Variants in TDRKH observed in about 807,000 individuals in gnomAD.
The protein encoded by TDRKH is tudor and KH domain containing.
TDRKH carries 28 observed loss-of-function variants against 61.3 expected under a neutral mutation model. That is an observed-to-expected ratio of 0.46 (90% CI 0.34 to 0.63). The LOEUF (loss-of-function observed/expected upper bound fraction) is 0.63, where lower values mean the gene tolerates loss of function less well. Among genes scored for constraint, TDRKH ranks in the 20% least tolerant of loss-of-function variants. The probability of loss-of-function intolerance (pLI) is 0.01; values close to 1 mark genes in which losing one functional copy is unlikely to be tolerated. For synonymous variants in TDRKH, 219 were observed against 244.4 expected (o/e 0.90, Z 0.97); for missense variants, 540 against 683.4 (o/e 0.79, Z 2.34).
chr1:151,784,697 C>T (rs1479585369), intron 1 of TDRKH, among the ~76,000 whole-genome samples: 1 of 152,020 alleles, frequency 6.6e-6, no homozygotes, highest in Non-Finnish European at 1.5e-5. Flanking sequence ...GGGATCTGTC[C>T]TTCGCCCTCT....
Position 151,781,328 on chromosome 1 carries a change from A to AATATATATATATATATATATAT in TDRKH, c.231+152_231+153insATATATATATATATATATATAT, listed in dbSNP as rs60652277. On this transcript the variant is annotated intron_variant, in intron 3 of 12. Transcript: ENST00000368824. ...GCGAAACTCCATCTCAAAAAAAAAA[A>AATATATATATATATATATATAT]ATATATATATATATATTTTATATAT... Among the ~76,000 whole-genome samples, 180 of 68,506 alleles carry AATATATATATATATATATATAT rather than the reference A, an allele frequency of 2.6e-3. 9 individuals are homozygous for AATATATATATATATATATATAT. Among genetic ancestry groups the AATATATATATATATATATATAT allele is most frequent in the Middle Eastern group, 9.3e-3 (1 of 108 alleles). 44.9% of individuals were successfully genotyped at this position (68,506 alleles called of 152,430 possible).
At chr1:151,778,411 G>C (rs775770766) in intron 6 of TDRKH, among the ~76,000 whole-genome samples, 1 of 152,168 alleles carries the variant, frequency 6.6e-6, no homozygotes, top group Non-Finnish European at 1.5e-5. Context: ...GAGTGGAAGA[G>C]GCACCAAGTT....
chr1:151,768,767 AC>A (rs1382979187), downstream of TDRKH, among the ~76,000 whole-genome samples: 2 of 152,162 alleles, frequency 1.3e-5, no homozygotes, highest in African/African-American at 4.8e-5. Context: ...CAGCAGATAA[AC>A]AAGTGAACAA....
Position 151,774,781 on chromosome 1 carries a change from CTG to C in TDRKH, c.1560_1561del (p.Ser521HisfsTer5). ...CTTTTTGGTCTCAGTGAGCAACGTG[CTG>C]AGAGAGGCATCTGTTTCTGTGGCCT... On this transcript the variant is annotated frameshift_variant, in exon 12 of 13. Coordinates refer to ENST00000368824, the MANE Select transcript of TDRKH (RefSeq NM_001083965.2). LOFTEE classifies it high-confidence loss of function. 6.2e-7 allele frequency: 1 copy of C among 1,614,130 alleles called. No homozygotes were observed. The highest frequency in any genetic ancestry group is 8.5e-7 in the Non-Finnish European group (1 of 1,180,002).
chr1:151,782,132 C>A, intron 2 of TDRKH: 1 of 382,236 alleles, frequency 2.6e-6, no homozygotes, highest in Admixed American at 3.5e-5. Context: ...AAAATGAGTT[C>A]ATTTCATAGA....
rs897995483 is a variant in TDRKH at position 151,775,692 on chromosome 1, G to C, written c.1282+128C>G. 8 of 1,481,132 alleles carry C rather than the reference G, an allele frequency of 5.4e-6. No homozygotes were observed. The Admixed American group carries it at 1.6e-4, about 30-fold the overall frequency. The allele number at this position is 1,481,132 out of a possible 1,614,324, so 91.7% of individuals were successfully genotyped here. A position where few individuals can be genotyped will look rare whatever the true frequency, so the allele number is the denominator to read the frequency against. On this transcript the variant is annotated intron_variant, in intron 9 of 12. Coordinates refer to ENST00000368824, the MANE Select transcript of TDRKH (RefSeq NM_001083965.2). ...AGGCAAGTTTCTGGCTGCTGCTAGT[G>C]CTGGTGAGGAAAAGGCACCTGAGTC...
rs1326812913 is a variant in TDRKH at position 151,774,088 on chromosome 1, C to T, written c.*364G>A. ...GGAGACACACTTGTAGCGTGGTAGT[C>T]CAATTTTTTTGTAGTCTGATGGGAG... On this transcript the variant is annotated 3_prime_UTR_variant, in exon 13 of 13. Transcript: ENST00000368824. The T allele has an allele frequency of 1.4e-5, 3 of 213,780 alleles. No individual in the cohort carries two copies. The highest frequency in any genetic ancestry group is 2.8e-5 in the Non-Finnish European group (3 of 107,720). 13.2% of individuals were successfully genotyped at this position (213,780 alleles called of 1,614,324 possible).
In TDRKH at chr1:151,776,428, T is replaced by C; in HGVS notation, c.1044+11A>G. 1 of 1,614,050 alleles carries C rather than the reference T, an allele frequency of 6.2e-7. No homozygotes were observed. On this transcript the variant is annotated intron_variant, in intron 7 of 12. Coordinates refer to ENST00000368824, the MANE Select transcript of TDRKH (RefSeq NM_001083965.2). ...TCATTAAACCCCAGCCCTGTCCCTA[T>C]GGCAACTCACCACACTATTCTCATA...
downstream of TDRKH, chr1:151,770,224 T>C (rs1558133256): frequency 6.2e-7 from 1 of 1,613,866 alleles, no homozygotes; most frequent in Admixed American, 1.7e-5. Flanking sequence ...GGACTCTGTG[T>C]TTGTGAACTT....
At chr1:151,772,035 C>T (rs555123939), downstream of TDRKH, 1 of 398,504 alleles carries the variant, frequency 2.5e-6, no homozygotes, top group South Asian at 1.3e-4. Flanking sequence ...TCCAAGAGTA[C>T]CTGAACTACT....
chr1:151,768,097 C>T, downstream of TDRKH: 1 of 1,614,010 alleles, frequency 6.2e-7, no homozygotes, highest in Non-Finnish European at 8.5e-7. Context: ...CCCCCTGCTC[C>T]ACCAGGACCC....
At chr1:151,769,158 A>G (rs1474680677), downstream of TDRKH, among the ~76,000 whole-genome samples, 1 of 151,794 alleles carries the variant, frequency 6.6e-6, no homozygotes, top group Non-Finnish European at 1.5e-5. Flanking sequence ...ATCATGGCCC[A>G]TTCTCAATGA....
downstream of TDRKH, chr1:151,770,429 T>C: frequency 1.1e-6 from 1 of 948,408 alleles, no homozygotes; most frequent in Non-Finnish European, 1.5e-6. Flanking sequence ...TTCCATCAAG[T>C]TACAACTGGA....
downstream of TDRKH, chr1:151,771,935 A>T (rs1648728303): frequency 2.5e-6 from 1 of 398,646 alleles, no homozygotes; most frequent in African/African-American, 2.1e-5. Flanking sequence ...GAACTCTGGT[A>T]GCACCAGTTC....
At chr1:151,780,202 A>T in intron 3 of TDRKH, 62 bp from the exon 4 acceptor site, 2 of 1,563,520 alleles carry the variant, frequency 1.3e-6, no homozygotes, top group Non-Finnish European at 1.7e-6. Flanking sequence ...GCCCAGCTAC[A>T]GACACTCTAA....
intron 1 of TDRKH, among the ~76,000 whole-genome samples, chr1:151,786,524 T>C (rs1257722943): frequency 6.6e-6 from 1 of 152,140 alleles, no homozygotes; most frequent in Non-Finnish European, 1.5e-5. Context: ...TGGACCAGGA[T>C]TGACTATGGG....
chr1:151,771,426 G>A, downstream of TDRKH: 3 of 1,222,948 alleles, frequency 2.5e-6, no homozygotes, highest in Non-Finnish European at 3.2e-6. Context: ...AAGATCACAG[G>A]GACCTGAACT....
chr1:151,766,951 T>G (rs1648380383), downstream of TDRKH: 1 of 1,466,132 alleles, frequency 6.8e-7, no homozygotes, highest in Admixed American at 2.0e-5. Flanking sequence ...GTAAAAGAAT[T>G]TGAAAGAATT....
chr1:151,788,422 T>G (rs1572017613), intron 1 of TDRKH, among the ~76,000 whole-genome samples: 1 of 152,206 alleles, frequency 6.6e-6, no homozygotes, highest in Non-Finnish European at 1.5e-5. Context: ...GGCAGGAGTC[T>G]TTAGGTCTTA....
Sources: allele counts gnomAD v4.1 joint callset (sites outside exome capture counted in the v4.1 genomes callset), GRCh38; gene constraint gnomAD v4.1.1; transcripts MANE v1.5; gene names NCBI Gene and HGNC (gene_info 2026-07-23, HGNC 2026-07-21).